The following PRSS23 variants were observed in gnomAD, a reference collection of about 807,000 sequenced individuals.
The protein encoded by PRSS23 is serine protease 23.
In PRSS23, 25 loss-of-function variants were observed where a neutral mutation model predicts 34.7. The ratio of observed to expected loss-of-function variants is 0.72; its 90% CI spans 0.53 to 1.01. PRSS23 has a LOEUF of 1.01. Among genes scored for constraint, PRSS23 ranks in the 50% least tolerant of loss-of-function variants. The pLI is 0.00. For synonymous variants in PRSS23, 176 were observed against 186.6 expected (o/e 0.94, Z 0.46); for missense variants, 445 against 475.6 (o/e 0.94, Z 0.60).
At chr11:86,816,110 G>A (rs571519486), downstream of PRSS23, among the ~76,000 whole-genome samples, 22 of 152,268 alleles carry the variant, frequency 1.4e-4, no homozygotes, top group East Asian at 2.3e-3. Context: ...ATAACCTGTC[G>A]TCTAGCCAAG....
intron 2 of PRSS23, among the ~76,000 whole-genome samples, chr11:86,919,445 T>C (rs1949033805): frequency 6.6e-6 from 1 of 152,360 alleles, no homozygotes; most frequent in South Asian, 2.1e-4. Flanking sequence ...CTGCGCTTTT[T>C]TCATTCTTTT....
chr11:86,821,401 A>AG, intron 1 of PRSS23: 1 of 1,385,832 alleles, frequency 7.2e-7, no homozygotes, highest in East Asian at 2.3e-5. Context: ...CCCTGCTGGG[A>AG]AAACATTGAT....
chr11:86,925,682 T>G (rs1201885618), intron 2 of PRSS23, among the ~76,000 whole-genome samples: 2 of 152,220 alleles, frequency 1.3e-5, no homozygotes, highest in Non-Finnish European at 2.9e-5. Flanking sequence ...CCAAACAAAT[T>G]AGTTTTTTCT....
chr11:86,809,977 T>TC lies in PRSS23; in HGVS notation c.*1185dup, dbSNP rs1389567535. Reference sequence around the variant, plus strand: ...TTTAAGAAAACCAGTGTGGCCTTTTTCCCTCTAGCTTTAAAAGGGCCGCTT... The same window carrying TC: ...TTTAAGAAAACCAGTGTGGCCTTTTTCCCCTCTAGCTTTAAAAGGGCCGCTT... On this transcript the variant is annotated 3_prime_UTR_variant, in exon 2 of 2. Transcript: ENST00000280258. The TC allele has an allele frequency of 6.0e-6, 1 of 167,046 alleles. No homozygotes were observed. The highest frequency in any genetic ancestry group is 1.5e-5 in the Non-Finnish European group (1 of 68,132). 10.3% of individuals were successfully genotyped at this position (167,046 alleles called of 1,614,324 possible).
intron 1 of PRSS23, among the ~76,000 whole-genome samples, chr11:86,818,625 T>G (rs1246053462): frequency 6.6e-6 from 1 of 152,250 alleles, no homozygotes; most frequent in Admixed American, 6.5e-5. Flanking sequence ...AGGCATCTTC[T>G]TTGCCAACTG....
chr11:86,809,772 A>G lies in PRSS23; in HGVS notation c.*977A>G. 1 of 167,170 alleles carries G rather than the reference A, an allele frequency of 6.0e-6. No homozygotes were observed. The highest frequency in any genetic ancestry group is 1.5e-5 in the Non-Finnish European group (1 of 68,102). The allele number at this position is 167,170 out of a possible 1,614,324, so 10.4% of individuals were successfully genotyped here. ...AAAATGAATTAAATTCCAGAGAACA[A>G]TGGAAGCATTGCCTGGCAGATGTCA... On this transcript the variant is annotated 3_prime_UTR_variant, in exon 2 of 2. Transcript: ENST00000280258.
intron 2 of PRSS23, among the ~76,000 whole-genome samples, chr11:86,835,895 C>T (rs1192978946): frequency 6.6e-6 from 1 of 152,124 alleles, no homozygotes; most frequent in African/African-American, 2.4e-5. Context: ...ACAAGAGTGT[C>T]CAGGTATGAG....
At chr11:86,923,017 A>G (rs535641794) in intron 2 of PRSS23, among the ~76,000 whole-genome samples, 1 of 152,304 alleles carries the variant, frequency 6.6e-6, no homozygotes, top group African/African-American at 2.4e-5. Flanking sequence ...GGGCTACTAA[A>G]TGTAAAATAT....
chr11:86,869,744 G>A (rs1353987797), intron 2 of PRSS23, among the ~76,000 whole-genome samples: 1 of 152,190 alleles, frequency 6.6e-6, no homozygotes, highest in Admixed American at 6.5e-5. Context: ...CCCACCAGGA[G>A]ATGGAGCCCA....
upstream of PRSS23, chr11:86,800,496 C>CG: frequency 4.1e-6 from 4 of 984,090 alleles, no homozygotes; most frequent in Non-Finnish European, 4.8e-6. Flanking sequence ...TCGGGTGGCG[C>CG]GGGGGGCGGA....
At chr11:86,835,751 G>A (rs1948400199) in intron 2 of PRSS23, among the ~76,000 whole-genome samples, 2 of 152,198 alleles carry the variant, frequency 1.3e-5, no homozygotes, top group African/African-American at 4.8e-5. Flanking sequence ...GTAACCTCCT[G>A]TGAGCAGAGC....
intron 2 of PRSS23, among the ~76,000 whole-genome samples, chr11:86,914,201 G>A (rs1948997950): frequency 6.6e-6 from 1 of 152,148 alleles, no homozygotes; most frequent in Non-Finnish European, 1.5e-5. Context: ...ACTCCAGCCT[G>A]GGTGACAGAG....
At chr11:86,932,902 C>G (rs1044525862) in intron 2 of PRSS23, 1 of 152,176 alleles carries the variant, frequency 6.6e-6, no homozygotes, top group African/African-American at 2.4e-5. Context: ...TGGCTTCTCT[C>G]GATGTGAGGT....
chr11:86,826,139 A>G (rs1318828466), intron 2 of PRSS23, among the ~76,000 whole-genome samples: 13 of 151,846 alleles, frequency 8.6e-5, no homozygotes, highest in South Asian at 4.2e-4. Flanking sequence ...ATTTGTTTGT[A>G]TCCTCTTTTA....
chr11:86,870,131 T>C (rs2134945875), intron 2 of PRSS23, among the ~76,000 whole-genome samples: 1 of 152,308 alleles, frequency 6.6e-6, no homozygotes, highest in South Asian at 2.1e-4. Context: ...TCACAGATTA[T>C]GATATGGCTC....
chr11:86,952,052 G>C, exon 3 of PRSS23: 4 of 1,613,990 alleles, frequency 2.5e-6, no homozygotes, highest in Non-Finnish European at 3.4e-6. Context: ...TACTGTGAAG[G>C]CAGTGGAGAT....
chr11:86,866,043 A>C (rs1315942327), intron 2 of PRSS23, among the ~76,000 whole-genome samples: 1 of 152,120 alleles, frequency 6.6e-6, no homozygotes, highest in African/African-American at 2.4e-5. Flanking sequence ...TAATCTCCTC[A>C]CTTCTTGTGT....
At chr11:86,939,092 C>A in intron 2 of PRSS23, 1 of 425,790 alleles carries the variant, frequency 2.3e-6, no homozygotes, top group Non-Finnish European at 4.6e-6. Context: ...TCTGAGGAAT[C>A]ATCAATCAAG....
chr11:86,820,585 C>T lies in PRSS23; in HGVS notation c.-11-2792C>T, dbSNP rs573259310. ...AGTAAAATTATTTAAGTATTACTAACGCTTTATTTGCGTTTGTATTTAGAT... is the reference window on the plus strand; with the variant it reads ...AGTAAAATTATTTAAGTATTACTAATGCTTTATTTGCGTTTGTATTTAGAT... On this transcript the variant is annotated intron_variant, in intron 1 of 2. Transcript: ENST00000533902. Among the ~76,000 whole-genome samples the T allele has an allele frequency of 7.6e-4, 116 of 152,214 alleles. 1 individual carries two copies. The highest frequency in any genetic ancestry group is 2.5e-3 in the African/African-American group (105 of 41,520).
Sources: gnomAD v4.1 joint callset for allele counts (sites outside exome capture counted in the v4.1 genomes callset) on GRCh38, gnomAD v4.1.1 for gene constraint, MANE v1.5 for transcripts, NCBI Gene and HGNC (gene_info 2026-07-23, HGNC 2026-07-21) for gene names.